UNC5D: variants seen among roughly 807,000 people sequenced by gnomAD.
The protein encoded by UNC5D is unc-5 netrin receptor D, also known as netrin receptor UNC5D.
Under a neutral mutation model 105.4 loss-of-function variants are expected in UNC5D, and 39 were observed. The ratio of observed to expected loss-of-function variants is 0.37; its 90% CI spans 0.29 to 0.48. The LOEUF (loss-of-function observed/expected upper bound fraction) is 0.48. Ranked by LOEUF, UNC5D falls within the 20% of genes least tolerant of loss-of-function variation. The pLI is 0.98. For synonymous variants in UNC5D, 452 were observed against 450.4 expected, an observed-to-expected ratio of 1.00 and a Z score of -0.04; for missense variants, 991 against 1,202.4, an observed-to-expected ratio of 0.82 and a Z score of 2.60.
At chr8:35,271,645 A>T (rs1805350477) in intron 1 of UNC5D, among the ~76,000 whole-genome samples, 2 of 138,778 alleles carry the variant, frequency 1.4e-5, no homozygotes, top group Non-Finnish European at 3.1e-5. Flanking sequence ...TATGTATACC[A>T]TATGTATACC....
At chr8:35,501,353 T>A (rs1201274811) in intron 1 of UNC5D, among the ~76,000 whole-genome samples, 1 of 152,234 alleles carries the variant, frequency 6.6e-6, no homozygotes, top group Non-Finnish European at 1.5e-5. Flanking sequence ...TTTGTACTGA[T>A]GGTGGCTTTC....
chr8:35,442,869 CT>C (rs1807505129), intron 1 of UNC5D, among the ~76,000 whole-genome samples: 1 of 146,444 alleles, frequency 6.8e-6, no homozygotes, highest in Non-Finnish European at 1.5e-5. Flanking sequence ...CTCTCTCTCT[CT>C]CTCTCTCTCT....
intron 11 of UNC5D, 43 bp from the exon 12 acceptor site, chr8:35,748,484 C>T (rs745724529): frequency 1.3e-6 from 2 of 1,587,948 alleles, no homozygotes; most frequent in South Asian, 1.2e-5. Context: ...TATGGCCCCT[C>T]CTCTACATAC....
chr8:35,362,287 A>C (rs991276541), intron 1 of UNC5D, among the ~76,000 whole-genome samples: 1 of 152,218 alleles, frequency 6.6e-6, no homozygotes, highest in Non-Finnish European at 1.5e-5. Flanking sequence ...TTATGGAATT[A>C]GAACTCTTTA....
chr8:35,253,473 C>CTTTTTTTTTTTTTTTTTTTTTTTTTTT (rs58063448), intron 1 of UNC5D, among the ~76,000 whole-genome samples: 1 of 99,824 alleles, frequency 1.0e-5, no homozygotes, highest in Admixed American at 1.3e-4. Flanking sequence ...ATTTTATTTC[C>CTTTTTTTTTTTTTTTTTTTTTTTTTTT]TTTTTTTTTT....
chr8:35,430,920 A>G (rs531969546), intron 1 of UNC5D, among the ~76,000 whole-genome samples: 1 of 152,302 alleles, frequency 6.6e-6, no homozygotes, highest in South Asian at 2.1e-4. Flanking sequence ...ATGCATGCAC[A>G]AACACACTAC....
chr8:35,480,563 A>G (rs1415529095), intron 1 of UNC5D, among the ~76,000 whole-genome samples: 2 of 152,204 alleles, frequency 1.3e-5, no homozygotes, highest in African/African-American at 4.8e-5. Flanking sequence ...GCAAAACAAA[A>G]CAATAATCAT....
chr8:35,282,944 C>T (rs1200746336), intron 1 of UNC5D, among the ~76,000 whole-genome samples: 1 of 152,120 alleles, frequency 6.6e-6, no homozygotes, highest in Non-Finnish European at 1.5e-5. Flanking sequence ...TGGAAGCATG[C>T]ATATGTTTCT....
At chr8:35,595,525 A>T in intron 3 of UNC5D, 29 bp from the exon 4 acceptor site, 1 of 1,606,080 alleles carries the variant, frequency 6.2e-7, no homozygotes, top group Non-Finnish European at 8.5e-7. Flanking sequence ...CTTGAAACAA[A>T]GTGTCACCTA....
chr8:35,469,308 G>A (rs557590381), intron 1 of UNC5D, among the ~76,000 whole-genome samples: 23 of 152,254 alleles, frequency 1.5e-4, no homozygotes, highest in Non-Finnish European at 2.5e-4. Context: ...GTAATAATTT[G>A]CCTAATAGCA....
At chr8:35,424,525 G>A (rs1806117323) in intron 1 of UNC5D, among the ~76,000 whole-genome samples, 1 of 152,200 alleles carries the variant, frequency 6.6e-6, no homozygotes, top group African/African-American at 2.4e-5. Flanking sequence ...GCTAAGAAGT[G>A]TGTGTTTCTT....
chr8:35,572,411 A>G (rs1285147451), intron 3 of UNC5D, among the ~76,000 whole-genome samples: 1 of 152,094 alleles, frequency 6.6e-6, no homozygotes, highest in Non-Finnish European at 1.5e-5. Flanking sequence ...TGACATGATC[A>G]CCTTAGCCAA....
intron 16 of UNC5D, among the ~76,000 whole-genome samples, chr8:35,783,527 G>A (rs923318065): frequency 6.6e-6 from 1 of 151,734 alleles, no homozygotes; most frequent in Non-Finnish European, 1.5e-5. Context: ...AGAACGCTGA[G>A]CTGGGCGGAC....
chr8:35,377,529 G>T (rs886997286), intron 1 of UNC5D, among the ~76,000 whole-genome samples: 2 of 152,170 alleles, frequency 1.3e-5, no homozygotes, highest in Admixed American at 1.3e-4. Context: ...CCACATTCCA[G>T]CATGTTGACC....
intron 1 of UNC5D, among the ~76,000 whole-genome samples, chr8:35,459,501 G>A (rs1056320051): frequency 2.6e-5 from 4 of 152,178 alleles, no homozygotes; most frequent in Non-Finnish European, 2.9e-5. Flanking sequence ...TGAATTTGCT[G>A]GGCAGGCTGC....
chr8:35,301,959 C>A (rs1019419840), intron 1 of UNC5D, among the ~76,000 whole-genome samples: 1 of 151,914 alleles, frequency 6.6e-6, no homozygotes, highest in African/African-American at 2.4e-5. Context: ...TTATTCGACA[C>A]GGACAGAGAG....
chr8:35,643,868 AAAAT>A (rs932370519), intron 4 of UNC5D, among the ~76,000 whole-genome samples: 1 of 152,182 alleles, frequency 6.6e-6, no homozygotes, highest in Non-Finnish European at 1.5e-5. Context: ...GTATGATTAA[AAAAT>A]AAATCCCTGC....
chr8:35,375,658 T>C (rs1802657779), intron 1 of UNC5D, among the ~76,000 whole-genome samples: 1 of 152,182 alleles, frequency 6.6e-6, no homozygotes, highest in African/African-American at 2.4e-5. Flanking sequence ...GAGAAAGCAA[T>C]AGAATAAATA....
At chr8:35,328,862 A>C (rs145116196) in intron 1 of UNC5D, among the ~76,000 whole-genome samples, 1 of 152,178 alleles carries the variant, frequency 6.6e-6, no homozygotes, top group East Asian at 1.9e-4. Context: ...GAAGTATTCT[A>C]TTTTTGTTTC....
Sources: allele counts gnomAD v4.1 joint callset (sites outside exome capture counted in the v4.1 genomes callset), GRCh38; gene constraint gnomAD v4.1.1; transcripts MANE v1.5; gene names NCBI Gene and HGNC (gene_info 2026-07-23, HGNC 2026-07-21).